STRA6: variants seen among roughly 807,000 people sequenced by gnomAD.
STRA6 encodes the protein receptor for retinol uptake STRA6.
In STRA6, 48 loss-of-function variants were observed where a neutral mutation model predicts 83.6. The ratio of observed to expected loss-of-function variants is 0.57; its 90% CI spans 0.46 to 0.73. The LOEUF (loss-of-function observed/expected upper bound fraction) is 0.73. STRA6 is among the 30% of genes least tolerant of loss of function. The pLI is 0.00. For missense variants in STRA6, 760 were observed against 838.8 expected (o/e 0.91, Z 1.16); for synonymous variants, 353 against 362.3 (o/e 0.97, Z 0.29).
At chr15:74,181,577 T>A in intron 16 of STRA6, 119 bp from the exon 17 acceptor site, 1 of 1,378,346 alleles carries the variant, frequency 7.3e-7, no homozygotes, top group South Asian at 1.3e-5. Flanking sequence ...CATTTATTGC[T>A]ATGTCTTCTG....
rs759887263 is a variant in STRA6, at chr15:74,181,318, G to C, written c.1661C>G (p.Pro554Arg). Residue 554 changes from proline (P) to arginine (R), a missense_variant, in exon 17 of 19, where the codon CCG becomes CGG. Coordinates refer to ENST00000395105, the MANE Select transcript of STRA6 (RefSeq NM_022369.4). ...LGQMDLSLLP[P>R]RAATLDPGYY... ...ACCGGGGTCGAGAGTGGCGGCTCTC[G>C]GTGGCAGCAGGCTGAGGTCCATCTG... The C allele has an allele frequency of 6.2e-7, 1 of 1,611,760 alleles. No individual in the cohort carries two copies.
At chr15:74,200,415 C>G (rs1233407308) in intron 2 of STRA6, among the ~76,000 whole-genome samples, 1 of 152,156 alleles carries the variant, frequency 6.6e-6, no homozygotes, top group Non-Finnish European at 1.5e-5. Context: ...TGGGAGGCCC[C>G]AGGAAGCCAC....
upstream of STRA6, chr15:74,209,243 C>T (rs549108057): frequency 1.5e-4 from 168 of 1,154,908 alleles, 1 homozygote; most frequent in African/African-American, 2.3e-3. Flanking sequence ...ACCGTTTGCT[C>T]GAAACTTGAT....
At chr15:74,180,298 C>G in intron 18 of STRA6, 55 bp from the exon 19 acceptor site, 1 of 1,609,956 alleles carries the variant, frequency 6.2e-7, no homozygotes, top group Non-Finnish European at 8.5e-7. Flanking sequence ...CCAACCCTCC[C>G]TGGCCCTCAG....
chr15:74,181,518 G>A lies in STRA6; in HGVS notation c.1521-60C>T, dbSNP rs1595821996. On this transcript the variant is annotated intron_variant, in intron 16 of 18. Transcript: ENST00000395105. Reference sequence around the variant, plus strand: ...CCCCAGAGCTCCCTCCCCAGGGTCAGTGTCAGACCTGGATGCCCAGAACTG... The same window carrying A: ...CCCCAGAGCTCCCTCCCCAGGGTCAATGTCAGACCTGGATGCCCAGAACTG... The A allele has an allele frequency of 1.9e-6, 3 of 1,593,426 alleles. No individual in the cohort carries two copies. The East Asian group carries it at 6.9e-5, about 37-fold the overall frequency.
rs1273647693 is a variant in STRA6, at chr15:74,182,431, GGAA to G, written c.1327_1329del (p.Phe443del). ...AGGAAGGCCAGGGCCGTGGTTCCCA[GGAA>G]GAAGATGATCTGCTGCACCAGGAGC... On this transcript the variant is annotated inframe_deletion, in exon 15 of 19. Coordinates refer to ENST00000395105, the MANE Select transcript of STRA6 (RefSeq NM_022369.4). 1.1e-5 allele frequency: 18 copies of G among 1,611,120 alleles called. No individual in the cohort carries two copies. Among genetic ancestry groups the G allele is most frequent in the Middle Eastern group, 1.7e-4 (1 of 6,036 alleles).
chr15:74,193,142 C>T (rs2073634388), intron 8 of STRA6, among the ~76,000 whole-genome samples: 1 of 152,194 alleles, frequency 6.6e-6, no homozygotes, highest in South Asian at 2.1e-4. Flanking sequence ...TCCATCTATT[C>T]AAAAATTCAA....
At chr15:74,187,723 TTAAAGAG>T (rs1182992226) in intron 12 of STRA6, among the ~76,000 whole-genome samples, 1 of 152,102 alleles carries the variant, frequency 6.6e-6, no homozygotes, top group Non-Finnish European at 1.5e-5. Context: ...ATCTGCAAAT[TTAAAGAG>T]TAACTGTTGC....
chr15:74,182,543 T>G, intron 14 of STRA6, 83 bp from the exon 15 acceptor site: 1 of 1,190,656 alleles, frequency 8.4e-7, no homozygotes, highest in Non-Finnish European at 1.2e-6. Context: ...AACCAAGGGC[T>G]TTGGGATTGG....
intron 4 of STRA6, 190 bp from the exon 5 acceptor site, chr15:74,196,337 C>T (rs1229756526): frequency 7.5e-6 from 7 of 927,884 alleles, no homozygotes; most frequent in East Asian, 5.4e-5. Context: ...CTCTGGGCCC[C>T]GTGCCAAAGG....
At position 74,193,804 on chromosome 15, in the gene STRA6, G is replaced by A. The variant is rs372935774; in HGVS notation, c.716C>T (p.Ser239Phe). 47 of 1,613,586 alleles carry A rather than the reference G, an allele frequency of 2.9e-5. No individual in the cohort carries two copies. The highest frequency in any genetic ancestry group is 3.7e-5 in the Non-Finnish European group (44 of 1,179,746). Residue 239 changes from serine (S) to phenylalanine (F), a missense_variant, in exon 8 of 19, where the codon TCC (serine) becomes TTC (phenylalanine). By Grantham distance (155) the Ser-to-Phe change is radical. Transcript: ENST00000395105. ...ATCCCAGGCCTGCCCCTTTACCTTG[G>A]AGCCTGCTCCTGTCCTACGGCTGAA... ...RSFSRRTGAG[S>F]KGLQSSYSEE...
At chr15:74,186,171 A>C (rs11630438) in intron 12 of STRA6, among the ~76,000 whole-genome samples, 24,622 of 152,268 alleles carry the variant, frequency 0.16, 2,225 homozygotes, top group East Asian at 0.34. Context: ...TGTGAAAGCA[A>C]CACTGGTGAT....
At chr15:74,197,274 C>T in intron 4 of STRA6, 64 bp downstream of exon 4, 1 of 1,214,310 alleles carries the variant, frequency 8.2e-7, no homozygotes, top group South Asian at 1.3e-5. Flanking sequence ...AAATCACCCA[C>T]CCTCCCAGAG....
At chr15:74,197,862 C>T in intron 2 of STRA6, 44 bp from the exon 3 acceptor site, 2 of 1,601,172 alleles carry the variant, frequency 1.2e-6, no homozygotes, top group Non-Finnish European at 1.7e-6. Context: ...GTCAGGCCCC[C>T]CTGGGTGTGC....
At chr15:74,203,214 TTG>T (rs148745262), upstream of STRA6, 297,083 of 984,558 alleles carry the variant, frequency 0.3, 45,972 homozygotes, top group East Asian at 0.44. Flanking sequence ...TAAACCCTTT[TTG>T]TTCCTACAAG....
intron 13 of STRA6, among the ~76,000 whole-genome samples, chr15:74,184,357 T>C (rs2073138693): frequency 6.6e-6 from 1 of 152,130 alleles, no homozygotes; most frequent in South Asian, 2.1e-4. Context: ...GGGTGACCTG[T>C]GGAAAAAGAT....
chr15:74,197,311 TG>T, intron 4 of STRA6, 26 bp downstream of exon 4: 1 of 1,527,064 alleles, frequency 6.5e-7, no homozygotes, highest in Non-Finnish European at 8.9e-7. Context: ...GTCCCCTGAG[TG>T]GGGGTGCCCA....
chr15:74,199,486 C>A (rs922765878), intron 2 of STRA6, among the ~76,000 whole-genome samples: 1 of 152,198 alleles, frequency 6.6e-6, no homozygotes, highest in African/African-American at 2.4e-5. Context: ...TCCCTCTCAG[C>A]CGGCATCTCC....
intron 7 of STRA6, 101 bp from the exon 8 acceptor site, chr15:74,194,023 G>T: frequency 2.6e-6 from 4 of 1,561,812 alleles, no homozygotes; most frequent in Non-Finnish European, 2.6e-6. Context: ...CCCTGAGGGT[G>T]GTCTGGGGGG....
Sources: gnomAD v4.1 joint callset for allele counts (sites outside exome capture counted in the v4.1 genomes callset) on GRCh38, gnomAD v4.1.1 for gene constraint, MANE v1.5 for transcripts, NCBI Gene and HGNC (gene_info 2026-07-23, HGNC 2026-07-21) for gene names.